Variants in DCK observed in about 807,000 individuals in gnomAD.
DCK encodes deoxyadenosine kinase.
Under a neutral mutation model 38.3 loss-of-function variants are expected in DCK, and 23 were observed. The observed-to-expected ratio is 0.60, with a 90% CI of 0.43 to 0.85. DCK has a LOEUF of 0.85. Ranked by LOEUF, DCK falls within the 40% of genes least tolerant of loss-of-function variation. The pLI, the probability that DCK is intolerant of heterozygous loss-of-function variation, is 0.00. For missense variants in DCK, 259 were observed against 304.4 expected (o/e 0.85, Z 1.11); for synonymous variants, 108 against 100.6 (o/e 1.07, Z -0.44).
intron 2 of DCK, among the ~76,000 whole-genome samples, chr4:71,006,627 G>A (rs1422471414): frequency 6.6e-6 from 1 of 152,102 alleles, no homozygotes; most frequent in Non-Finnish European, 1.5e-5. Flanking sequence ...GGGCAACATA[G>A]GGTGACCCCG....
chr4:71,025,073 T>G (rs1740513691), intron 4 of DCK, among the ~76,000 whole-genome samples: 1 of 152,068 alleles, frequency 6.6e-6, no homozygotes. Flanking sequence ...TCATTTAGGT[T>G]GGAGGCTTTT....
intron 2 of DCK, among the ~76,000 whole-genome samples, chr4:71,011,374 A>G (rs770906996): frequency 2.7e-5 from 4 of 148,344 alleles, no homozygotes; most frequent in Non-Finnish European, 3.0e-5. Context: ...GTTGGCTTGT[A>G]TTTTTTTGAG....
intron 1 of DCK, among the ~76,000 whole-genome samples, chr4:70,997,020 T>C (rs1739673634): frequency 6.6e-6 from 1 of 152,208 alleles, no homozygotes; most frequent in Non-Finnish European, 1.5e-5. Flanking sequence ...GTTAGTGTGA[T>C]TGGGAACTCT....
intron 6 of DCK, 51 bp downstream of exon 6, chr4:71,026,806 A>C (rs1740558241): frequency 2.2e-6 from 2 of 889,906 alleles, no homozygotes; most frequent in South Asian, 3.0e-5. Context: ...AAAAAAGTGT[A>C]CTGAGTGGTG....
intron 2 of DCK, among the ~76,000 whole-genome samples, chr4:71,011,288 T>C (rs17686997): frequency 0.044 from 6,543 of 148,452 alleles, 202 homozygotes; most frequent in Middle Eastern, 0.09. Context: ...CCTTAGTAAG[T>C]CATTCTTGAA....
intron 1 of DCK, among the ~76,000 whole-genome samples, chr4:70,996,564 C>T (rs1161308919): frequency 1.3e-5 from 2 of 152,182 alleles, no homozygotes; most frequent in Admixed American, 6.5e-5. Flanking sequence ...TTGTTAGTTA[C>T]TGTTCATTAT....
intron 2 of DCK, among the ~76,000 whole-genome samples, chr4:71,018,158 G>A (rs947255129): frequency 1.3e-4 from 17 of 126,058 alleles, no homozygotes; most frequent in African/African-American, 4.7e-4. Flanking sequence ...ACGGAGTCTC[G>A]CTCTGTCTCC....
intron 2 of DCK, among the ~76,000 whole-genome samples, chr4:71,010,361 G>A (rs1740055660): frequency 1.3e-5 from 2 of 151,158 alleles, no homozygotes; most frequent in Non-Finnish European, 2.9e-5. Context: ...GGTATGGAAC[G>A]TTTTTAAAAA....
At chr4:70,997,338 T>C (rs1284400637) in intron 1 of DCK, among the ~76,000 whole-genome samples, 5 of 152,194 alleles carry the variant, frequency 3.3e-5, no homozygotes, top group African/African-American at 4.8e-5. Flanking sequence ...ACACTCTCCA[T>C]ACTAAATTTT....
At chr4:71,020,975 A>G (rs1350780652) in intron 2 of DCK, among the ~76,000 whole-genome samples, 3 of 152,102 alleles carry the variant, frequency 2.0e-5, no homozygotes, top group Non-Finnish European at 4.4e-5. Context: ...TATTCCTACA[A>G]TGTTGTCATT....
In DCK at chr4:71,026,731, CAA is replaced by C. The variant is rs1578431142; in HGVS notation, c.734_735del (p.Lys245IlefsTer2). The C allele has an allele frequency of 1.9e-6, 3 of 1,551,380 alleles. No homozygotes were observed. Among genetic ancestry groups the C allele is most frequent in the Non-Finnish European group, 2.7e-6 (3 of 1,127,812 alleles). ...TLDVNEDFKD[K>X]YESLVEKVKE... Reference sequence around the variant, plus strand: ...TGGATGTTAATGAAGACTTTAAAGACAAATATGAAAGTCTGGTTGAAAAGGTA... The same window carrying C: ...TGGATGTTAATGAAGACTTTAAAGACATATGAAAGTCTGGTTGAAAAGGTA... On this transcript the variant is annotated frameshift_variant, in exon 6 of 7. Coordinates refer to ENST00000286648, the MANE Select transcript of DCK (RefSeq NM_000788.3). LOFTEE classifies it high-confidence loss of function.
chr4:70,993,971 G>A (rs1334372834), intron 1 of DCK, 45 bp downstream of exon 1: 16 of 1,363,526 alleles, frequency 1.2e-5, no homozygotes, highest in Non-Finnish European at 1.7e-5. Flanking sequence ...GGGGTGTCGC[G>A]GCAGTGGCTG....
chr4:71,015,913 G>A (rs1223091261), intron 2 of DCK, among the ~76,000 whole-genome samples: 1 of 152,154 alleles, frequency 6.6e-6, no homozygotes, highest in Non-Finnish European at 1.5e-5. Flanking sequence ...ATTCAACATA[G>A]TGTTGGAAGT....
At chr4:71,014,930 C>T (rs890718346) in intron 2 of DCK, among the ~76,000 whole-genome samples, 4 of 152,052 alleles carry the variant, frequency 2.6e-5, no homozygotes, top group African/African-American at 7.2e-5. Context: ...CAGAGCAGAA[C>T]GGAAGGAAAT....
rs924210490 is a variant in DCK at position 71,030,625 on chromosome 4, A to G, written c.*1247A>G. On this transcript the variant is annotated 3_prime_UTR_variant, in exon 7 of 7. Transcript: ENST00000286648. Reference sequence around the variant, plus strand: ...TTGGTATAAATTAATTTGTTAATTAAATATTTCTTAAGTATAAACCTTATG... The same window carrying G: ...TTGGTATAAATTAATTTGTTAATTAGATATTTCTTAAGTATAAACCTTATG... 2 of 152,118 alleles carry G rather than the reference A, an allele frequency of 1.3e-5. No individual in the cohort carries two copies. Among genetic ancestry groups the G allele is most frequent in the African/African-American group, 4.8e-5 (2 of 41,444 alleles). 9.4% of individuals were successfully genotyped at this position (152,118 alleles called of 1,614,324 possible).
At chr4:70,996,651 A>T (rs1222267490) in intron 1 of DCK, among the ~76,000 whole-genome samples, 2 of 152,240 alleles carry the variant, frequency 1.3e-5, no homozygotes, top group Non-Finnish European at 2.9e-5. Context: ...CAAATTGTTA[A>T]GCTGTGCGTA....
chr4:71,029,048 C>A (rs565626207), intron 6 of DCK, among the ~76,000 whole-genome samples: 41 of 152,294 alleles, frequency 2.7e-4, no homozygotes, highest in Admixed American at 2.5e-3. Flanking sequence ...TGAGCCACTG[C>A]GCCTGGCCTA....
chr4:71,010,656 T>C (rs1740066028), intron 2 of DCK, among the ~76,000 whole-genome samples: 1 of 147,634 alleles, frequency 6.8e-6, no homozygotes, highest in South Asian at 2.1e-4. Context: ...ATGTAAATTA[T>C]ATACATAAGT....
intron 2 of DCK, among the ~76,000 whole-genome samples, chr4:71,019,638 T>C (rs956289443): frequency 3.9e-5 from 6 of 152,172 alleles, no homozygotes; most frequent in African/African-American, 1.4e-4. Context: ...AAACATATCA[T>C]CTAAAAGATT....
Sources: allele counts gnomAD v4.1 joint callset (sites outside exome capture counted in the v4.1 genomes callset), GRCh38; gene constraint gnomAD v4.1.1; transcripts MANE v1.5; gene names NCBI Gene and HGNC (gene_info 2026-07-23, HGNC 2026-07-21).